SNTG1: variants seen among roughly 807,000 people sequenced by gnomAD.
SNTG1 encodes the protein gamma-1-syntrophin.
In SNTG1, 39 loss-of-function variants were observed where a neutral mutation model predicts 74.7. That is an observed-to-expected ratio of 0.52 (90% CI 0.40 to 0.68). The LOEUF (loss-of-function observed/expected upper bound fraction) is 0.68. Among genes scored for constraint, SNTG1 ranks in the 30% least tolerant of loss-of-function variants. The pLI is 0.00. For synonymous variants in SNTG1, 254 were observed against 217.1 expected (o/e 1.17, Z -1.49); for missense variants, 685 against 609.5 (o/e 1.12, Z -1.30).
chr8:49,956,484 A>T (rs898355450), intron 1 of SNTG1, among the ~76,000 whole-genome samples: 7 of 152,170 alleles, frequency 4.6e-5, no homozygotes, highest in Non-Finnish European at 1.0e-4. Context: ...GTGAAATTGG[A>T]TGGGTCATGT....
intron 13 of SNTG1, among the ~76,000 whole-genome samples, chr8:50,613,896 G>A (rs573518999): frequency 2.6e-5 from 4 of 152,072 alleles, no homozygotes; most frequent in Non-Finnish European, 4.4e-5. Context: ...AAAAATAAAA[G>A]TTGTAAAATA....
intron 9 of SNTG1, among the ~76,000 whole-genome samples, chr8:50,508,016 C>T (rs1172328945): frequency 6.6e-6 from 1 of 151,960 alleles, no homozygotes; most frequent in Non-Finnish European, 1.5e-5. Flanking sequence ...ATGCTGCCCC[C>T]ATTAACTCAT....
intron 11 of SNTG1, among the ~76,000 whole-genome samples, chr8:50,546,532 CT>C (rs2094389428): frequency 7.0e-6 from 1 of 143,798 alleles, no homozygotes; most frequent in Non-Finnish European, 1.5e-5. Flanking sequence ...TCCCTCCCCC[CT>C]CCCCCTACCC....
At chr8:50,063,875 C>T (rs1379356831) in intron 1 of SNTG1, among the ~76,000 whole-genome samples, 1 of 152,090 alleles carries the variant, frequency 6.6e-6, no homozygotes, top group Non-Finnish European at 1.5e-5. Flanking sequence ...GTCAGTGATG[C>T]CCACATTTAC....
At chr8:50,636,623 C>A (rs2131146416) in intron 13 of SNTG1, among the ~76,000 whole-genome samples, 1 of 152,258 alleles carries the variant, frequency 6.6e-6, no homozygotes, top group East Asian at 1.9e-4. Flanking sequence ...TCTTGCCAAG[C>A]TGTCACTGAC....
intron 17 of SNTG1, among the ~76,000 whole-genome samples, chr8:50,709,577 T>C (rs2095455859): frequency 6.6e-6 from 1 of 152,148 alleles, no homozygotes; most frequent in South Asian, 2.1e-4. Context: ...ACTCAGCCAG[T>C]CATACCTAAA....
At chr8:50,560,327 A>G (rs2094479971) in intron 12 of SNTG1, among the ~76,000 whole-genome samples, 1 of 152,204 alleles carries the variant, frequency 6.6e-6, no homozygotes, top group Non-Finnish European at 1.5e-5. Context: ...TTAAACATCT[A>G]GAAACAGAAA....
rs539576060 is a variant in SNTG1, at chr8:50,123,174, G to A, written c.-102-49387G>A. 9.1e-5 allele frequency among the ~76,000 whole-genome samples: 13 copies of A among 143,078 alleles called. 4 individuals carry two copies. The South Asian group carries it at 3.1e-3, about 34-fold the overall frequency. The allele number at this position is 143,078 out of a possible 152,430, so 93.9% of individuals were successfully genotyped here. ...GACTCACTTCAAACCTGATTTGTCAGTTTTTATTGAAGCATTGCAGAATGT... is the reference window on the plus strand; with the variant it reads ...GACTCACTTCAAACCTGATTTGTCAATTTTTATTGAAGCATTGCAGAATGT... On this transcript the variant is annotated intron_variant, in intron 1 of 18. Coordinates refer to ENST00000642720, the MANE Select transcript of SNTG1 (RefSeq NM_018967.5).
chr8:50,113,582 T>C (rs1030650060), intron 1 of SNTG1, among the ~76,000 whole-genome samples: 2 of 152,274 alleles, frequency 1.3e-5, no homozygotes, highest in African/African-American at 4.8e-5. Context: ...TATTTCTTTC[T>C]CCTGCCTGAT....
intron 2 of SNTG1, among the ~76,000 whole-genome samples, chr8:50,310,527 A>G (rs889002694): frequency 3.9e-5 from 6 of 152,138 alleles, no homozygotes; most frequent in African/African-American, 1.4e-4. Flanking sequence ...TGTCTCTACT[A>G]AAAATACAAA....
rs561867801 is a variant in SNTG1 at position 50,188,123 on chromosome 8, T to C, written c.-28+15488T>C. ...AATATTGGTCTACTGAATCCACTTATTGACAATCATTCTCAAAGAACACGA... is the reference window on the plus strand; with the variant it reads ...AATATTGGTCTACTGAATCCACTTACTGACAATCATTCTCAAAGAACACGA... On this transcript the variant is annotated intron_variant, in intron 2 of 18. Coordinates refer to ENST00000642720, the MANE Select transcript of SNTG1 (RefSeq NM_018967.5). Among the ~76,000 whole-genome samples, 7 of 152,266 alleles carry C rather than the reference T, an allele frequency of 4.6e-5. No homozygotes were observed. The East Asian group carries it at 5.8e-4, about 13-fold the overall frequency.
At chr8:50,343,325 A>G (rs1165998894) in intron 2 of SNTG1, among the ~76,000 whole-genome samples, 1 of 152,202 alleles carries the variant, frequency 6.6e-6, no homozygotes, top group Non-Finnish European at 1.5e-5. Context: ...AGACGTTTAT[A>G]TCCTTACCAT....
At chr8:50,168,823 T>A (rs1418028530) in intron 1 of SNTG1, among the ~76,000 whole-genome samples, 3 of 152,154 alleles carry the variant, frequency 2.0e-5, no homozygotes, top group Non-Finnish European at 4.4e-5. Context: ...TACAGAGAGA[T>A]CCAGTGTACA....
chr8:50,327,037 C>A (rs74632494), intron 2 of SNTG1, among the ~76,000 whole-genome samples: 2,118 of 151,946 alleles, frequency 0.014, 57 homozygotes, highest in African/African-American at 0.049. Flanking sequence ...AGTTTAGTTC[C>A]ATTGTAGTGT....
intron 1 of SNTG1, among the ~76,000 whole-genome samples, chr8:49,972,458 G>A (rs1390048597): frequency 2.0e-5 from 3 of 152,170 alleles, no homozygotes; most frequent in South Asian, 2.1e-4. Context: ...AGGCATGGGC[G>A]AGGACTTCAT....
chr8:50,567,830 C>T lies in SNTG1; in HGVS notation c.810+14651C>T, dbSNP rs113839344. On this transcript the variant is annotated intron_variant, in intron 12 of 18. Coordinates refer to ENST00000642720, the MANE Select transcript of SNTG1 (RefSeq NM_018967.5). ...CATTTTTTACAGTCATTACATTAAA[C>T]ATTTGTCATTTCTTTGTTTTAATAA... 5.4e-3 allele frequency among the ~76,000 whole-genome samples: 815 copies of T among 152,118 alleles called. 7 individuals are homozygous for T. The highest frequency in any genetic ancestry group is 0.018 in the African/African-American group (756 of 41,514).
intron 9 of SNTG1, among the ~76,000 whole-genome samples, chr8:50,520,494 G>A (rs2094170559): frequency 6.6e-6 from 1 of 152,138 alleles, no homozygotes; most frequent in Non-Finnish European, 1.5e-5. Context: ...TATAATCAGA[G>A]TGAACAGGCA....
At chr8:50,001,797 C>T (rs982525247) in intron 1 of SNTG1, among the ~76,000 whole-genome samples, 24 of 152,190 alleles carry the variant, frequency 1.6e-4, no homozygotes, top group Admixed American at 2.6e-4. Context: ...GGTTAAACAG[C>T]GAGTTTGCAG....
intron 16 of SNTG1, chr8:50,708,077 T>A: frequency 4.2e-6 from 1 of 235,470 alleles, no homozygotes; most frequent in East Asian, 7.8e-5. Flanking sequence ...GGCGGGCGAC[T>A]GTAATGCCAG....
Sources: gnomAD v4.1 joint callset for allele counts (sites outside exome capture counted in the v4.1 genomes callset) on GRCh38, gnomAD v4.1.1 for gene constraint, MANE v1.5 for transcripts, NCBI Gene and HGNC (gene_info 2026-07-23, HGNC 2026-07-21) for gene names.